SLC22A23: variants seen among roughly 807,000 people sequenced by gnomAD.
SLC22A23 encodes solute carrier family 22 member 23, also known as ion transporter protein.
In SLC22A23, 26 loss-of-function variants were observed where a neutral mutation model predicts 61.0. The observed-to-expected ratio is 0.43, with a 90% CI of 0.31 to 0.59. The LOEUF (loss-of-function observed/expected upper bound fraction) is 0.59, where lower values mean the gene tolerates loss of function less well. SLC22A23 is among the 20% of genes least tolerant of loss of function. The pLI is 0.11. For synonymous variants in SLC22A23, 430 were observed against 413.9 expected (o/e 1.04, Z -0.47); for missense variants, 796 against 934.7 (o/e 0.85, Z 1.94).
At chr6:3,281,180 C>T (rs6933320) in intron 9 of SLC22A23, among the ~76,000 whole-genome samples, 5,074 of 152,346 alleles carry the variant, frequency 0.033, 300 homozygotes, top group African/African-American at 0.12. Flanking sequence ...CAGGCCACTT[C>T]TGCCCATGTC....
At chr6:3,353,004 C>G (rs915797960) in intron 3 of SLC22A23, among the ~76,000 whole-genome samples, 1 of 152,140 alleles carries the variant, frequency 6.6e-6, no homozygotes, top group Non-Finnish European at 1.5e-5. Flanking sequence ...GAAAATACTA[C>G]AGTGATTATA....
intron 3 of SLC22A23, among the ~76,000 whole-genome samples, chr6:3,367,201 G>A (rs917966226): frequency 1.3e-5 from 2 of 152,208 alleles, no homozygotes; most frequent in African/African-American, 4.8e-5. Context: ...TTAGTGGCAA[G>A]AGCATCAGTC....
At chr6:3,280,387 G>C (rs4386860) in intron 9 of SLC22A23, among the ~76,000 whole-genome samples, 124,622 of 151,808 alleles carry the variant, frequency 0.82, 52,497 homozygotes, top group Non-Finnish European at 0.92. Flanking sequence ...CTGCCCCGCT[G>C]CTCATCGCTC....
intron 3 of SLC22A23, among the ~76,000 whole-genome samples, chr6:3,397,890 G>A (rs1385927069): frequency 1.3e-5 from 2 of 152,136 alleles, no homozygotes; most frequent in African/African-American, 4.8e-5. Context: ...TGAGATATGA[G>A]ACACAATCAC....
chr6:3,376,435 C>T (rs979550292), intron 3 of SLC22A23, among the ~76,000 whole-genome samples: 1 of 152,168 alleles, frequency 6.6e-6, no homozygotes, highest in African/African-American at 2.4e-5. Flanking sequence ...CCCCCACCGA[C>T]ATCCTGTAGC....
At chr6:3,323,653 G>T (rs1763097885) in intron 4 of SLC22A23, 181 bp downstream of exon 4, 3 of 748,590 alleles carry the variant, frequency 4.0e-6, no homozygotes, top group Non-Finnish European at 6.4e-6. Flanking sequence ...TATTTGAACA[G>T]TTTTCCAAGA....
intron 4 of SLC22A23, chr6:3,312,346 C>T (rs1036600813): frequency 6.6e-6 from 1 of 152,118 alleles, no homozygotes; most frequent in African/African-American, 2.4e-5. Flanking sequence ...ATATAAGGCA[C>T]ACAGAGCCTT....
At chr6:3,351,165 T>C (rs1764744042) in intron 3 of SLC22A23, among the ~76,000 whole-genome samples, 1 of 152,136 alleles carries the variant, frequency 6.6e-6, no homozygotes, top group Non-Finnish European at 1.5e-5. Flanking sequence ...ATGCCGTTTG[T>C]ATAGAATTAC....
At chr6:3,440,473 C>T (rs1454278184) in intron 1 of SLC22A23, among the ~76,000 whole-genome samples, 2 of 151,760 alleles carry the variant, frequency 1.3e-5, no homozygotes, top group South Asian at 2.1e-4. Context: ...TTTGGGAGGC[C>T]GAGGCAGGTG....
At chr6:3,310,668 G>A (rs1246416857) in intron 4 of SLC22A23, among the ~76,000 whole-genome samples, 2 of 90,154 alleles carry the variant, frequency 2.2e-5, no homozygotes, top group Non-Finnish European at 3.1e-5. Context: ...GAAACCCTAC[G>A]AGGTTGATCA....
chr6:3,339,209 A>C (rs1300036677), intron 3 of SLC22A23, among the ~76,000 whole-genome samples: 2 of 152,178 alleles, frequency 1.3e-5, no homozygotes, highest in East Asian at 3.9e-4. Context: ...AACTTTAATA[A>C]AAATTAAAAC....
At chr6:3,276,343 T>A (rs1305765967) in intron 9 of SLC22A23, among the ~76,000 whole-genome samples, 2 of 152,210 alleles carry the variant, frequency 1.3e-5, no homozygotes, top group Admixed American at 1.3e-4. Context: ...CTCCTTCCTG[T>A]CCAGCCCATG....
chr6:3,328,526 G>C lies in SLC22A23; in HGVS notation c.914-4524C>G, dbSNP rs547668173. Among the ~76,000 whole-genome samples the C allele has an allele frequency of 2.0e-5, 3 of 152,274 alleles. No individual in the cohort carries two copies. In the East Asian group the frequency reaches 5.8e-4, roughly 29 times the overall value. On this transcript the variant is annotated intron_variant, in intron 3 of 9. Coordinates refer to ENST00000406686, the MANE Select transcript of SLC22A23 (RefSeq NM_015482.2). The surrounding 1 kb of genome is among the most constrained non-coding windows in gnomAD (Gnocchi z 5.0). ...GGCATTTGCTCAAACAGGAACCCCG[G>C]TGCTGCCAGGAGAGAGCTGACTTTG...
intron 3 of SLC22A23, among the ~76,000 whole-genome samples, chr6:3,378,297 A>G (rs1766714862): frequency 6.6e-6 from 1 of 152,154 alleles, no homozygotes; most frequent in Non-Finnish European, 1.5e-5. Flanking sequence ...TCCATCAGGC[A>G]TGGGTGGTGA....
chr6:3,449,670 C>T (rs2127558255), intron 1 of SLC22A23, among the ~76,000 whole-genome samples: 1 of 152,294 alleles, frequency 6.6e-6, no homozygotes, highest in East Asian at 1.9e-4. Flanking sequence ...TTGATAATCC[C>T]CTGGGTCAGG....
intron 3 of SLC22A23, among the ~76,000 whole-genome samples, chr6:3,353,667 G>C (rs1764905396): frequency 6.6e-6 from 1 of 152,122 alleles, no homozygotes; most frequent in Non-Finnish European, 1.5e-5. Context: ...GGCTGTGCTC[G>C]CCTCGTCCCA....
intron 6 of SLC22A23, among the ~76,000 whole-genome samples, chr6:3,289,131 C>T (rs111259431): frequency 0.015 from 2,229 of 152,374 alleles, 55 homozygotes; most frequent in African/African-American, 0.051. Context: ...CCACCTTGCA[C>T]AGTCAGGGCC....
Position 3,351,128 on chromosome 6 carries a change from CACAA to C in SLC22A23, c.914-27130_914-27127del, listed in dbSNP as rs1232436614. Among the ~76,000 whole-genome samples, 3 of 152,096 alleles carry C rather than the reference CACAA, an allele frequency of 2.0e-5. No individual in the cohort carries two copies. In the East Asian group the frequency reaches 5.8e-4, roughly 29 times the overall value. ...AGATGAAAAGTACCCTCAGAATGGC[CACAA>C]ACAAAGACCTCATAAAAGGCTAATG... On this transcript the variant is annotated intron_variant, in intron 3 of 9. Transcript: ENST00000406686.
intron 9 of SLC22A23, among the ~76,000 whole-genome samples, chr6:3,278,464 T>C (rs558309098): frequency 6.6e-6 from 1 of 152,358 alleles, no homozygotes; most frequent in African/African-American, 2.4e-5. Flanking sequence ...AAAGACACTC[T>C]GCATCTTTCT....
Sources: gnomAD v4.1 joint callset for allele counts (sites outside exome capture counted in the v4.1 genomes callset) on GRCh38, gnomAD v4.1.1 for gene constraint, Gnocchi (gnomAD v3.1) non-coding constraint, MANE v1.5 for transcripts, NCBI Gene and HGNC (gene_info 2026-07-23, HGNC 2026-07-21) for gene names.